Variants in GRIN2B observed in about 807,000 individuals in gnomAD.
GRIN2B encodes glutamate receptor ionotropic, NMDA 2B.
GRIN2B carries 5 observed loss-of-function variants against 114.5 expected under a neutral mutation model. The observed-to-expected ratio is 0.04, with a 90% CI of 0.02 to 0.09. The LOEUF (loss-of-function observed/expected upper bound fraction) is 0.09. GRIN2B is among the 10% of genes least tolerant of loss of function. The pLI is 1.00. For missense variants in GRIN2B, 1,108 were observed against 1,943.5 expected, an observed-to-expected ratio of 0.57 and a Z score of 8.08; for synonymous variants, 787 against 745.1, an observed-to-expected ratio of 1.06 and a Z score of -0.92.
At chr12:13,632,127 T>G (rs2136498203) in intron 5 of GRIN2B, among the ~76,000 whole-genome samples, 1 of 152,250 alleles carries the variant, frequency 6.6e-6, no homozygotes, top group South Asian at 2.1e-4. Context: ...AACCAAAGCT[T>G]CAAGTGAAGT....
In GRIN2B at chr12:13,563,404, G is replaced by A. The variant is rs376716897; in HGVS notation, c.3834C>T (p.Thr1278=). 1.2e-6 allele frequency: 2 copies of A among 1,614,222 alleles called. No individual in the cohort carries two copies. Among genetic ancestry groups the A allele is most frequent in the Admixed American group, 1.7e-5 (1 of 60,032 alleles). The change falls in exon 14 of 14, where the codon ACC becomes ACT. Residue 1278 remains threonine (T), a synonymous_variant. Transcript: ENST00000609686. The part of the protein sequence containing the change: ...APVAVTSNAS[T]TKYPQSPTNS... The stretch of plus-strand genomic sequence containing the variant: ...TAGTCGGGCTCTGAGGGTACTTAGT[G>A]GTGGAGGCGTTTGACGTCACCGCCA...
chr12:13,759,573 T>C (rs973119490), intron 3 of GRIN2B, among the ~76,000 whole-genome samples: 3 of 152,160 alleles, frequency 2.0e-5, no homozygotes, highest in African/African-American at 7.2e-5. Flanking sequence ...ACCACTTCAC[T>C]GAAACCCCTC....
intron 2 of GRIN2B, among the ~76,000 whole-genome samples, chr12:13,941,619 T>A (rs958957482): frequency 1.3e-5 from 2 of 152,144 alleles, no homozygotes; most frequent in Non-Finnish European, 2.9e-5. Flanking sequence ...GTGGCTGAGG[T>A]AGATCGGCAT....
intron 8 of GRIN2B, among the ~76,000 whole-genome samples, chr12:13,614,359 C>T (rs998305644): frequency 6.6e-6 from 1 of 152,152 alleles, no homozygotes; most frequent in African/African-American, 2.4e-5. Flanking sequence ...TTATGCCAAA[C>T]CCAGTCTCCT....
chr12:13,893,718 C>T (rs2160727), intron 2 of GRIN2B, among the ~76,000 whole-genome samples: 39,910 of 151,776 alleles, frequency 0.26, 5,955 homozygotes, highest in Non-Finnish European at 0.33. Context: ...AAGCCATCTA[C>T]TCAAAAGCAC....
At chr12:13,706,722 A>G (rs1950362841) in intron 4 of GRIN2B, among the ~76,000 whole-genome samples, 1 of 152,086 alleles carries the variant, frequency 6.6e-6, no homozygotes. Context: ...CTAAACTGGA[A>G]TGTCAGAACT....
intron 5 of GRIN2B, among the ~76,000 whole-genome samples, chr12:13,653,420 A>AT (rs1456118988): frequency 2.6e-5 from 4 of 152,102 alleles, no homozygotes; most frequent in Admixed American, 6.6e-5. Flanking sequence ...TTAGACAGGC[A>AT]TTTTTCATGA....
At chr12:13,773,685 CTT>C (rs1262945115) in intron 3 of GRIN2B, among the ~76,000 whole-genome samples, 4 of 152,224 alleles carry the variant, frequency 2.6e-5, no homozygotes, top group African/African-American at 7.2e-5. Flanking sequence ...CTCCAAACCC[CTT>C]CAACATTACT....
At chr12:13,597,023 A>G (rs1949082581) in intron 10 of GRIN2B, among the ~76,000 whole-genome samples, 1 of 152,226 alleles carries the variant, frequency 6.6e-6, no homozygotes, top group African/African-American at 2.4e-5. Flanking sequence ...GGGCAGATGC[A>G]GGCTGTGGGG....
Position 13,871,194 on chromosome 12 carries a change from C to T in GRIN2B, c.-18-4968G>A, listed in dbSNP as rs1386696701. On this transcript the variant is annotated intron_variant, in intron 2 of 13. Transcript: ENST00000609686. ...TTATAAGTTCGAACTAGTTCAGATACCTAGAAATGTATATAGAACAGAGAA... is the reference window on the plus strand; with the variant it reads ...TTATAAGTTCGAACTAGTTCAGATATCTAGAAATGTATATAGAACAGAGAA... Among the ~76,000 whole-genome samples, 2 of 151,566 alleles carry T rather than the reference C, an allele frequency of 1.3e-5. 1 individual carries two copies. The highest frequency in any genetic ancestry group is 2.9e-5 in the Non-Finnish European group (2 of 67,898).
At chr12:13,706,362 T>C (rs990364990) in intron 4 of GRIN2B, among the ~76,000 whole-genome samples, 2 of 152,064 alleles carry the variant, frequency 1.3e-5, no homozygotes, top group African/African-American at 4.8e-5. Context: ...GAAAGAAAAA[T>C]GCATAAACTC....
intron 3 of GRIN2B, among the ~76,000 whole-genome samples, chr12:13,860,857 T>C (rs1865740878): frequency 1.3e-5 from 2 of 152,168 alleles, no homozygotes; most frequent in Non-Finnish European, 2.9e-5. Flanking sequence ...TGCCTGCTCC[T>C]ACTGTAACTT....
chr12:13,697,257 ATAACC>A (rs1406572991), intron 4 of GRIN2B, among the ~76,000 whole-genome samples: 2 of 152,198 alleles, frequency 1.3e-5, no homozygotes, highest in Non-Finnish European at 2.9e-5. Context: ...ATGTGCAACC[ATAACC>A]TTAAAATTCA....
chr12:13,563,583 G>A lies in GRIN2B; in HGVS notation c.3655C>T (p.Pro1219Ser). 6.2e-7 allele frequency: 1 copy of A among 1,614,098 alleles called. No individual in the cohort carries two copies. The highest frequency in any genetic ancestry group is 2.2e-5 in the East Asian group (1 of 44,860). The change falls in exon 14 of 14, where the codon CCC becomes TCC. Residue 1219 changes from proline to serine, a missense_variant. Pro to Ser is a moderately conservative substitution (Grantham distance 74). Coordinates refer to ENST00000609686, the MANE Select transcript of GRIN2B (RefSeq NM_000834.5). ...RSGGNFCRSC[P>S]SKLHNYSTTV... ...GTGGAGTAGTTGTGCAGCTTGGAGG[G>A]ACAGCTGCGGCAGAAGTTGCCCCCG...
At chr12:13,585,422 C>T (rs940281639) in intron 10 of GRIN2B, among the ~76,000 whole-genome samples, 1 of 152,188 alleles carries the variant, frequency 6.6e-6, no homozygotes, top group Non-Finnish European at 1.5e-5. Flanking sequence ...CACATTGTGA[C>T]CCACTTACAG....
intron 2 of GRIN2B, among the ~76,000 whole-genome samples, chr12:13,907,817 C>G (rs564610984): frequency 2.6e-5 from 4 of 152,030 alleles, no homozygotes; most frequent in African/African-American, 9.6e-5. Context: ...AACAAGAGCT[C>G]AAGACATGGC....
chr12:13,953,223 T>C (rs886507234), intron 2 of GRIN2B, among the ~76,000 whole-genome samples: 8 of 152,078 alleles, frequency 5.3e-5, no homozygotes, highest in Non-Finnish European at 1.2e-4. Flanking sequence ...GGGAACCAGA[T>C]AGACGCTGCA....
chr12:13,573,607 TG>T (rs1948735031), intron 10 of GRIN2B, among the ~76,000 whole-genome samples: 1 of 152,180 alleles, frequency 6.6e-6, no homozygotes, highest in Non-Finnish European at 1.5e-5. Flanking sequence ...ATTGTAGCTG[TG>T]CTGTGCTTTG....
rs1168746732 is a variant in GRIN2B, at chr12:13,841,867, GT to G, written c.411+23930del. ...TTTGTTTGTAGTTTCCATATCCTTT[GT>G]TTTTTTAAAAAAAATATGGTATAGG... On this transcript the variant is annotated intron_variant, in intron 3 of 13. Coordinates refer to ENST00000609686, the MANE Select transcript of GRIN2B (RefSeq NM_000834.5). Among the ~76,000 whole-genome samples, 5 of 151,928 alleles carry G rather than the reference GT, an allele frequency of 3.3e-5. No homozygotes were observed. The East Asian group carries it at 9.7e-4, about 29-fold the overall frequency.
Sources: gnomAD v4.1 joint callset for allele counts (sites outside exome capture counted in the v4.1 genomes callset) on GRCh38, gnomAD v4.1.1 for gene constraint, MANE v1.5 for transcripts, NCBI Gene and HGNC (gene_info 2026-07-23, HGNC 2026-07-21) for gene names.